Variants in SPOCK1 observed in about 807,000 individuals in gnomAD.
SPOCK1 encodes SPARC (osteonectin), cwcv and kazal like domains proteoglycan 1.
In SPOCK1, 23 loss-of-function variants were observed where a neutral mutation model predicts 55.3. The ratio of observed to expected loss-of-function variants is 0.42; its 90% CI spans 0.30 to 0.59. The LOEUF (loss-of-function observed/expected upper bound fraction) is 0.59, where lower values mean the gene tolerates loss of function less well. SPOCK1 is among the 20% of genes least tolerant of loss of function. The pLI is 0.22. For missense variants in SPOCK1, 499 were observed against 552.5 expected (o/e 0.90, Z 0.97); for synonymous variants, 226 against 221.0 (o/e 1.02, Z -0.20).
At chr5:137,409,574 A>T (rs1348089652) in intron 2 of SPOCK1, among the ~76,000 whole-genome samples, 7 of 152,214 alleles carry the variant, frequency 4.6e-5, no homozygotes, top group Admixed American at 4.6e-4. Context: ...GGTTGCCCAT[A>T]AGGATTAAAT....
At chr5:137,362,474 C>A (rs932709625) in intron 2 of SPOCK1, among the ~76,000 whole-genome samples, 8 of 151,856 alleles carry the variant, frequency 5.3e-5, no homozygotes, top group African/African-American at 1.9e-4. Context: ...GAACTACAGG[C>A]GCCCGCCACC....
At chr5:137,133,067 AT>A (rs1753914392) in intron 4 of SPOCK1, among the ~76,000 whole-genome samples, 1 of 152,142 alleles carries the variant, frequency 6.6e-6, no homozygotes. Context: ...TTCTTTTGTT[AT>A]TTTTAAAAAT....
intron 4 of SPOCK1, among the ~76,000 whole-genome samples, chr5:137,131,991 T>A (rs58963893): frequency 0.061 from 1,689 of 27,472 alleles, 93 homozygotes; most frequent in African/African-American, 0.09. Context: ...AAAAAAAAAA[T>A]ATATATATAT....
Position 137,199,060 on chromosome 5 carries a change from T to C in SPOCK1, c.233-58366A>G, listed in dbSNP as rs577444579. 5.3e-5 allele frequency among the ~76,000 whole-genome samples: 8 copies of C among 152,328 alleles called. No homozygotes were observed. In the South Asian group the frequency reaches 8.3e-4, roughly 16 times the overall value. ...TCAGGATTTATTTATGACTTGTGGA[T>C]TCTAGTTCACTGTTCTGTCCATTAA... On this transcript the variant is annotated intron_variant, in intron 3 of 10. Coordinates refer to ENST00000394945, the MANE Select transcript of SPOCK1 (RefSeq NM_004598.4).
At chr5:137,280,274 T>C (rs1426597738) in intron 2 of SPOCK1, among the ~76,000 whole-genome samples, 4 of 152,218 alleles carry the variant, frequency 2.6e-5, no homozygotes, top group Non-Finnish European at 5.9e-5. Flanking sequence ...AGCACCCAGC[T>C]GACAGAAATC....
At chr5:137,325,828 T>A (rs2127149023) in intron 2 of SPOCK1, among the ~76,000 whole-genome samples, 1 of 152,274 alleles carries the variant, frequency 6.6e-6, no homozygotes, top group South Asian at 2.1e-4. Flanking sequence ...AGCTATGACT[T>A]CTCTAAGTCA....
chr5:137,059,262 A>C (rs1752352986), intron 6 of SPOCK1, among the ~76,000 whole-genome samples: 1 of 149,160 alleles, frequency 6.7e-6, no homozygotes, highest in South Asian at 2.1e-4. Context: ...ACAGACAGGC[A>C]AATACACACA....
At chr5:137,473,410 C>T (rs1379582297) in intron 2 of SPOCK1, among the ~76,000 whole-genome samples, 6 of 152,104 alleles carry the variant, frequency 3.9e-5, no homozygotes, top group Non-Finnish European at 7.4e-5. Context: ...CAAAAACATA[C>T]GAATATACAT....
At chr5:137,041,212 G>C (rs1049532420) in intron 6 of SPOCK1, among the ~76,000 whole-genome samples, 2 of 151,958 alleles carry the variant, frequency 1.3e-5, no homozygotes, top group African/African-American at 2.4e-5. Flanking sequence ...TTTTTTTAAA[G>C]GCACAAAAGC....
chr5:137,286,489 A>T (rs1757268263), intron 2 of SPOCK1, among the ~76,000 whole-genome samples: 1 of 152,112 alleles, frequency 6.6e-6, no homozygotes, highest in Admixed American at 6.5e-5. Flanking sequence ...CACAGTAACC[A>T]AGCACCCTGG....
At chr5:137,368,481 G>A (rs753883757) in intron 2 of SPOCK1, among the ~76,000 whole-genome samples, 22 of 152,148 alleles carry the variant, frequency 1.4e-4, no homozygotes, top group Non-Finnish European at 3.2e-4. Context: ...AATGGGAGAG[G>A]CTGATCCAGG....
chr5:137,025,350 T>C (rs1041760275), intron 6 of SPOCK1, among the ~76,000 whole-genome samples: 1 of 152,108 alleles, frequency 6.6e-6, no homozygotes, highest in African/African-American at 2.4e-5. Flanking sequence ...AGATAAGTCC[T>C]GGAAATGGGA....
chr5:136,997,555 C>T (rs17719087), intron 6 of SPOCK1, among the ~76,000 whole-genome samples: 3 of 152,212 alleles, frequency 2.0e-5, no homozygotes, highest in African/African-American at 4.8e-5. Flanking sequence ...AAATGGCCTG[C>T]AGGACACACT....
intron 4 of SPOCK1, among the ~76,000 whole-genome samples, chr5:137,122,537 T>C (rs1277327573): frequency 1.3e-5 from 2 of 152,230 alleles, no homozygotes; most frequent in Non-Finnish European, 1.5e-5. Context: ...ACTTTTTTCA[T>C]TGGCCCATTA....
chr5:136,996,406 G>A (rs1172270941), intron 6 of SPOCK1, among the ~76,000 whole-genome samples: 1 of 152,172 alleles, frequency 6.6e-6, no homozygotes, highest in East Asian at 1.9e-4. Flanking sequence ...TCTTGGGAGA[G>A]GATTTGGATT....
chr5:136,988,791 T>C (rs1750893588), intron 7 of SPOCK1, 148 bp from the exon 8 acceptor site: 2 of 611,452 alleles, frequency 3.3e-6, no homozygotes, highest in Admixed American at 3.3e-5. Flanking sequence ...GATTTAGTGG[T>C]TCTCTAGAAT....
intron 2 of SPOCK1, among the ~76,000 whole-genome samples, chr5:137,311,313 G>A (rs938540691): frequency 1.3e-5 from 2 of 152,162 alleles, no homozygotes; most frequent in African/African-American, 4.8e-5. Context: ...GTTGAGGGGT[G>A]GGAAGGAGGG....
At position 137,409,766 on chromosome 5, in the gene SPOCK1, G is replaced by A. The variant is rs149767663; in HGVS notation, c.186+88607C>T. Among the ~76,000 whole-genome samples, 3 of 152,298 alleles carry A rather than the reference G, an allele frequency of 2.0e-5. No homozygotes were observed. In the East Asian group the frequency reaches 5.8e-4, roughly 29 times the overall value. On this transcript the variant is annotated intron_variant, in intron 2 of 10. Transcript: ENST00000394945. ...TTTGACTTTCCTATGTTTCTGTTAG[G>A]TTAGAAGGATATACATACCAGAACT...
intron 6 of SPOCK1, among the ~76,000 whole-genome samples, chr5:137,023,841 T>C (rs1425613584): frequency 2.0e-5 from 3 of 152,100 alleles, no homozygotes; most frequent in Non-Finnish European, 4.4e-5. Context: ...ACCAAAGACA[T>C]TGAGTATCAT....
Sources: allele counts gnomAD v4.1 joint callset (sites outside exome capture counted in the v4.1 genomes callset), GRCh38; gene constraint gnomAD v4.1.1; transcripts MANE v1.5; gene names NCBI Gene and HGNC (gene_info 2026-07-23, HGNC 2026-07-21).